The following POLI variants were observed in gnomAD, a reference collection of about 807,000 sequenced individuals.
The protein encoded by POLI is DNA polymerase iota.
POLI carries 58 observed loss-of-function variants against 51.6 expected under a neutral mutation model. The ratio of observed to expected loss-of-function variants is 1.12; its 90% confidence interval spans 0.91 to 1.40. The LOEUF (loss-of-function observed/expected upper bound fraction) is 1.40. POLI is among the 40% of genes most tolerant of loss of function. The probability of loss-of-function intolerance (pLI) is 0.00; values close to 1 mark genes in which losing one functional copy is unlikely to be tolerated. For missense variants in POLI, 921 were observed against 871.3 expected, an observed-to-expected ratio of 1.06 and a Z score of -0.72; for synonymous variants, 322 against 299.7, an observed-to-expected ratio of 1.07 and a Z score of -0.77.
At chr18:54,273,860 A>G in intron 2 of POLI, 66 bp from the exon 3 acceptor site, 1 of 825,654 alleles carries the variant, frequency 1.2e-6, no homozygotes, top group Non-Finnish European at 1.7e-6. Context: ...TGTAATACGG[A>G]ATTAATAATA....
At position 54,287,332 on chromosome 18, in the gene POLI, G is replaced by T; in HGVS notation, c.1119G>T (p.Arg373=). The stretch of plus-strand genomic sequence containing the variant: ...ATACAGTGAGATTAATAATCCGTCG[G>T]TATTCCTCTGAGAAGCACTATGGTC... The part of the protein sequence containing the change: ...KPHTVRLIIR[R]YSSEKHYGRE... The change falls in exon 8 of 10, where the codon CGG becomes CGT. Residue 373 remains arginine, a synonymous_variant. Coordinates refer to ENST00000579534, the MANE Select transcript of POLI (RefSeq NM_007195.3). 1 of 1,592,120 alleles carries T rather than the reference G, an allele frequency of 6.3e-7. No individual in the cohort carries two copies. Among genetic ancestry groups the T allele is most frequent in the Non-Finnish European group, 8.6e-7 (1 of 1,165,078 alleles).
At chr18:54,307,348 A>AGTC (rs1224271854) in intron 3 of POLI, among the ~76,000 whole-genome samples, 1 of 152,222 alleles carries the variant, frequency 6.6e-6, no homozygotes, top group Admixed American at 6.5e-5. Context: ...TGTACCTAGT[A>AGTC]GTCATTCAGG....
At chr18:54,281,783 A>C (rs1348949179) in intron 5 of POLI, among the ~76,000 whole-genome samples, 3 of 144,318 alleles carry the variant, frequency 2.1e-5, no homozygotes, top group African/African-American at 7.8e-5. Context: ...CTCCTTTCTC[A>C]CTTATTGCCA....
In POLI at chr18:54,294,967, C is replaced by A. The variant is rs2088240983; in HGVS notation, c.*500C>A. ...ATTTAGTATGTTGACTTTTAAAATA[C>A]CAAAGCAATTTATATTCAATTAATG... On this transcript the variant is annotated 3_prime_UTR_variant, in exon 10 of 10. Transcript: ENST00000579534. The A allele has an allele frequency of 3.5e-5, 34 of 984,046 alleles. No individual in the cohort carries two copies. Among genetic ancestry groups the A allele is most frequent in the Non-Finnish European group, 4.0e-5 (33 of 828,884 alleles). 61.0% of individuals were successfully genotyped at this position (984,046 alleles called of 1,614,324 possible).
At chr18:54,279,558 T>C (rs531994748) in intron 4 of POLI, among the ~76,000 whole-genome samples, 2 of 152,144 alleles carry the variant, frequency 1.3e-5, no homozygotes, top group Non-Finnish European at 2.9e-5. Flanking sequence ...TGTCCTTTCT[T>C]GTAGATAAAC....
intron 3 of POLI, among the ~76,000 whole-genome samples, chr18:54,319,886 G>A (rs922961538): frequency 3.9e-5 from 6 of 152,056 alleles, no homozygotes; most frequent in African/African-American, 1.4e-4. Context: ...AAAAACTTAT[G>A]TTTGGCTTTC....
chr18:54,316,271 T>C (rs1038480264), intron 3 of POLI, among the ~76,000 whole-genome samples: 3 of 152,208 alleles, frequency 2.0e-5, no homozygotes, highest in African/African-American at 2.4e-5. Context: ...AATATTGGTA[T>C]GGGACATTTT....
At chr18:54,271,187 C>T in intron 1 of POLI, 173 bp from the exon 2 acceptor site, 1 of 523,018 alleles carries the variant, frequency 1.9e-6, no homozygotes, top group Non-Finnish European at 3.4e-6. Flanking sequence ...GAAGACCCTA[C>T]CCTAAGTGGA....
chr18:54,314,161 G>A (rs966852193), intron 3 of POLI, among the ~76,000 whole-genome samples: 1 of 152,122 alleles, frequency 6.6e-6, no homozygotes, highest in African/African-American at 2.4e-5. Flanking sequence ...ATCATGAGGG[G>A]ATGTTGAATT....
intron 3 of POLI, among the ~76,000 whole-genome samples, chr18:54,305,605 A>G (rs1209476317): frequency 2.8e-5 from 4 of 142,584 alleles, no homozygotes; most frequent in African/African-American, 7.7e-5. Context: ...TTGCACATTG[A>G]TTTTGTGTCC....
At position 54,296,522 on chromosome 18, in the gene POLI, T is replaced by C; in HGVS notation, c.*2055T>C. The C allele has an allele frequency of 4.3e-6, 1 of 231,968 alleles. No homozygotes were observed. The highest frequency in any genetic ancestry group is 7.1e-6 in the Non-Finnish European group (1 of 141,160). 14.4% of individuals were successfully genotyped at this position (231,968 alleles called of 1,614,324 possible). A position where few individuals can be genotyped will look rare whatever the true frequency, so the allele number is the denominator to read the frequency against. On this transcript the variant is annotated 3_prime_UTR_variant, in exon 10 of 10. Transcript: ENST00000579534. ...TTCTTAGTATATACTGGCTTCTTCC[T>C]GTATCTTTTAATTCATGTTCTGTAA...
intron 3 of POLI, among the ~76,000 whole-genome samples, chr18:54,317,595 G>C (rs749316032): frequency 1.1e-4 from 17 of 152,172 alleles, no homozygotes; most frequent in Non-Finnish European, 2.1e-4. Context: ...GGATGCAGTA[G>C]CTTATGTTTG....
At chr18:54,298,617 G>T (rs542097235), downstream of POLI, among the ~76,000 whole-genome samples, 2 of 135,232 alleles carry the variant, frequency 1.5e-5, no homozygotes, top group African/African-American at 5.6e-5. Flanking sequence ...TTGAGATGGG[G>T]TCTCGCTCTG....
chr18:54,295,356 C>G lies in POLI; in HGVS notation c.*889C>G, dbSNP rs888995587. On this transcript the variant is annotated 3_prime_UTR_variant, in exon 10 of 10. Transcript: ENST00000579534. ...AGACCATTACTAAATTGGTGGATGTCCTCTTTCTCCCATTGTTATTGCCTT... is the reference window on the plus strand; with the variant it reads ...AGACCATTACTAAATTGGTGGATGTGCTCTTTCTCCCATTGTTATTGCCTT... 2.0e-6 allele frequency: 2 copies of G among 984,410 alleles called. No homozygotes were observed. The highest frequency in any genetic ancestry group is 6.2e-5 in the Admixed American group (1 of 16,256). 61.0% of individuals were successfully genotyped at this position (984,410 alleles called of 1,614,324 possible). A position where few individuals can be genotyped will look rare whatever the true frequency, so the allele number is the denominator to read the frequency against.
chr18:54,287,307 A>G lies in POLI; in HGVS notation c.1094A>G (p.His365Arg), dbSNP rs777178383. Residue 365 changes from histidine (H) to arginine (R), a missense_variant, in exon 8 of 10, where the codon CAT (histidine) becomes CGT (arginine). By Grantham distance (29) the His-to-Arg change is conservative. Coordinates refer to ENST00000579534, the MANE Select transcript of POLI (RefSeq NM_007195.3). The part of the protein sequence containing the change: ...NRVCQDGRKP[H>R]TVRLIIRRYS... ...GTATGCCAAGATGGAAGGAAGCCTC[A>G]TACAGTGAGATTAATAATCCGTCGG... 1 of 1,583,376 alleles carries G rather than the reference A, an allele frequency of 6.3e-7. No homozygotes were observed. Among genetic ancestry groups the G allele is most frequent in the Admixed American group, 1.8e-5 (1 of 56,660 alleles).
chr18:54,270,875 A>G (rs2086975417), intron 1 of POLI: 1 of 152,708 alleles, frequency 6.5e-6, no homozygotes, highest in African/African-American at 2.4e-5. Context: ...TCCTGCTGCC[A>G]TGGGAGCTAA....
intron 9 of POLI, 109 bp downstream of exon 9, chr18:54,292,147 T>C: frequency 7.4e-6 from 5 of 678,438 alleles, no homozygotes; most frequent in Admixed American, 2.8e-5. Context: ...AGAGATTCTT[T>C]TGGGTGATAT....
chr18:54,308,190 A>C (rs1161592784), intron 3 of POLI, among the ~76,000 whole-genome samples: 2 of 152,058 alleles, frequency 1.3e-5, no homozygotes, highest in African/African-American at 4.8e-5. Flanking sequence ...TGGTCTTTAC[A>C]ATTTGGCATG....
Position 54,294,298 on chromosome 18 carries a change from C to T in POLI, c.2054C>T (p.Ser685Phe). Residue 685 changes from serine to phenylalanine, a missense_variant, in exon 10 of 10, where the codon TCT (serine) becomes TTT (phenylalanine). Transcript: ENST00000579534. ...DSHKQTVATD[S>F]HEGLTENREP... ...CATAAGCAAACAGTAGCAACAGACT[C>T]TCATGAAGGACTTACAGAAAATAGA... 6.2e-7 allele frequency: 1 copy of T among 1,613,548 alleles called. No individual in the cohort carries two copies. The highest frequency in any genetic ancestry group is 1.1e-5 in the South Asian group (1 of 91,060).
Sources: allele counts gnomAD v4.1 joint callset (sites outside exome capture counted in the v4.1 genomes callset), GRCh38; gene constraint gnomAD v4.1.1; transcripts MANE v1.5; gene names NCBI Gene and HGNC (gene_info 2026-07-23, HGNC 2026-07-21).